MTNR1A: variants seen among roughly 807,000 people sequenced by gnomAD.
MTNR1A encodes the protein melatonin receptor type 1A.
In MTNR1A, 7 loss-of-function variants were observed where a neutral mutation model predicts 5.5. The ratio of observed to expected loss-of-function variants is 1.28; its 90% confidence interval spans 0.73 to 2.40. The LOEUF (loss-of-function observed/expected upper bound fraction) is 2.40, where lower values mean the gene tolerates loss of function less well. MTNR1A is among the 30% of genes most tolerant of loss of function. The pLI, the probability that MTNR1A is intolerant of heterozygous loss-of-function variation, is 0.00. For missense variants in MTNR1A, 441 were observed against 464.4 expected (o/e 0.95, Z 0.46); for synonymous variants, 196 against 202.7 (o/e 0.97, Z 0.28).
intron 1 of MTNR1A, among the ~76,000 whole-genome samples, chr4:186,543,453 C>T (rs1737073445): frequency 6.6e-6 from 1 of 152,182 alleles, no homozygotes; most frequent in Admixed American, 6.5e-5. Flanking sequence ...ATGGTAGTTC[C>T]AAATACCCAC....
chr4:186,545,754 A>G (rs75025695), intron 1 of MTNR1A, among the ~76,000 whole-genome samples: 2,127 of 152,202 alleles, frequency 0.014, 52 homozygotes, highest in African/African-American at 0.049. Context: ...GAAGACCAGT[A>G]ATAAAGAACT....
chr4:186,547,371 T>C (rs113919152), intron 1 of MTNR1A, among the ~76,000 whole-genome samples: 2,166 of 103,998 alleles, frequency 0.021, 81 homozygotes, highest in African/African-American at 0.074. Flanking sequence ...TGGGACACAC[T>C]GTCCACACCA....
intron 1 of MTNR1A, among the ~76,000 whole-genome samples, chr4:186,535,584 G>T (rs1187630276): frequency 6.6e-6 from 1 of 151,962 alleles, no homozygotes; most frequent in Non-Finnish European, 1.5e-5. Flanking sequence ...GCTCGTTTTT[G>T]TATTTTTGTA....
chr4:186,533,727 TCAGTGGAGACGGTTTC>T lies in MTNR1A; in HGVS notation c.999_1014del (p.Trp333Ter), dbSNP rs761268273. On this transcript the variant is annotated frameshift_variant, in exon 2 of 2. Transcript: ENST00000307161. LOFTEE classifies it high-confidence loss of function. ...ACCTTTACTACATTATTGTTGGTCATCAGTGGAGACGGTTTCCATTTAACCCTATCGGCCACGTCGT... is the reference window on the plus strand; with the variant it reads ...ACCTTTACTACATTATTGTTGGTCATCATTTAACCCTATCGGCCACGTCGT... The T allele has an allele frequency of 5.6e-6, 9 of 1,614,262 alleles. No individual in the cohort carries two copies. The highest frequency in any genetic ancestry group is 5.0e-5 in the Admixed American group (3 of 60,032).
intron 1 of MTNR1A, among the ~76,000 whole-genome samples, chr4:186,548,028 T>C (rs1737193172): frequency 6.6e-6 from 1 of 152,190 alleles, no homozygotes; most frequent in Admixed American, 6.5e-5. Flanking sequence ...ACTGATACTG[T>C]ACCTTTATTC....
In MTNR1A at chr4:186,547,123, TCACAC is replaced by T. The variant is rs1560897482; in HGVS notation, c.184+8054_184+8058del. Among the ~76,000 whole-genome samples the T allele has an allele frequency of 4.7e-4, 20 of 42,466 alleles. 4 individuals are homozygous for T. The highest frequency in any genetic ancestry group is 7.3e-4 in the Non-Finnish European group (15 of 20,596). The allele number at this position is 42,466 out of a possible 152,430, so 27.9% of individuals were successfully genotyped here. A position where few individuals can be genotyped will look rare whatever the true frequency, so the allele number is the denominator to read the frequency against. ...ACCCTGTTCCTGGGACACACCGTCC[TCACAC>T]CCTGTTCCTGGGACACACCGTCCTC... On this transcript the variant is annotated intron_variant, in intron 1 of 1. Coordinates refer to ENST00000307161, the MANE Select transcript of MTNR1A (RefSeq NM_005958.4).
At chr4:186,551,185 G>A (rs1225005929) in intron 1 of MTNR1A, among the ~76,000 whole-genome samples, 1 of 152,172 alleles carries the variant, frequency 6.6e-6, no homozygotes, top group Non-Finnish European at 1.5e-5. Flanking sequence ...GGAAGCTACT[G>A]TAGCTTCTAG....
At chr4:186,549,755 C>T (rs900611229) in intron 1 of MTNR1A, among the ~76,000 whole-genome samples, 18 of 152,134 alleles carry the variant, frequency 1.2e-4, no homozygotes, top group Non-Finnish European at 2.1e-4. Flanking sequence ...CCGCGTTTGA[C>T]CCACGCTTAG....
intron 1 of MTNR1A, among the ~76,000 whole-genome samples, chr4:186,547,451 TC>T (rs1294931296): frequency 6.6e-6 from 1 of 152,102 alleles, no homozygotes; most frequent in East Asian, 1.9e-4. Flanking sequence ...CACACCCTGT[TC>T]CTGGGACATG....
intron 1 of MTNR1A, among the ~76,000 whole-genome samples, chr4:186,554,939 T>A (rs1468281423): frequency 6.6e-6 from 1 of 152,132 alleles, no homozygotes; most frequent in Non-Finnish European, 1.5e-5. Flanking sequence ...CAGACGGGGG[T>A]GTCCCCATAG....
chr4:186,554,069 T>C (rs1261365108), intron 1 of MTNR1A, among the ~76,000 whole-genome samples: 1 of 152,172 alleles, frequency 6.6e-6, no homozygotes, highest in African/African-American at 2.4e-5. Flanking sequence ...GTCGTTTTTA[T>C]TGCTAGGAAG....
intron 1 of MTNR1A, among the ~76,000 whole-genome samples, chr4:186,540,248 C>T (rs1736980846): frequency 6.6e-6 from 1 of 152,208 alleles, no homozygotes; most frequent in African/African-American, 2.4e-5. Flanking sequence ...TGAGTAGGGA[C>T]ACAGCCAAAC....
chr4:186,538,570 C>T (rs1302066315), intron 1 of MTNR1A, among the ~76,000 whole-genome samples: 1 of 152,178 alleles, frequency 6.6e-6, no homozygotes, highest in African/African-American at 2.4e-5. Context: ...TCCAGTCCCT[C>T]CTCCCAGGTT....
At chr4:186,536,777 T>G (rs1736864686) in intron 1 of MTNR1A, among the ~76,000 whole-genome samples, 1 of 152,346 alleles carries the variant, frequency 6.6e-6, no homozygotes, top group East Asian at 1.9e-4. Flanking sequence ...TCATCCAAAT[T>G]AAAGTTACAA....
intron 1 of MTNR1A, among the ~76,000 whole-genome samples, chr4:186,535,168 T>G (rs1398048921): frequency 6.6e-6 from 1 of 152,162 alleles, no homozygotes; most frequent in Non-Finnish European, 1.5e-5. Flanking sequence ...AGCAGCTTCC[T>G]CTTAGGGCTG....
chr4:186,545,357 T>C (rs921554009), intron 1 of MTNR1A, among the ~76,000 whole-genome samples: 1 of 152,204 alleles, frequency 6.6e-6, no homozygotes, highest in Admixed American at 6.5e-5. Flanking sequence ...CGTGTGCATC[T>C]GCTTCCAATA....
chr4:186,538,970 A>G (rs1314102413), intron 1 of MTNR1A, among the ~76,000 whole-genome samples: 1 of 152,178 alleles, frequency 6.6e-6, no homozygotes, highest in East Asian at 1.9e-4. Flanking sequence ...CTGTAATCCC[A>G]GCACTTTGGG....
At chr4:186,539,139 C>T (rs1736947707) in intron 1 of MTNR1A, among the ~76,000 whole-genome samples, 1 of 150,510 alleles carries the variant, frequency 6.6e-6, no homozygotes, top group East Asian at 2.0e-4. Flanking sequence ...ATCGCTTGAA[C>T]CCAGAAGGCG....
chr4:186,537,945 C>A (rs1330365321), intron 1 of MTNR1A, among the ~76,000 whole-genome samples: 1 of 152,168 alleles, frequency 6.6e-6, no homozygotes. Flanking sequence ...TTAAAGGCAC[C>A]AACTATAAAA....
Sources: gnomAD v4.1 joint callset for allele counts (sites outside exome capture counted in the v4.1 genomes callset) on GRCh38, gnomAD v4.1.1 for gene constraint, MANE v1.5 for transcripts, NCBI Gene and HGNC (gene_info 2026-07-23, HGNC 2026-07-21) for gene names.